The following ANG variants were observed in gnomAD, a reference collection of about 807,000 sequenced individuals.
ANG encodes the protein angiogenin.
For synonymous variants in ANG, 74 were observed against 73.8 expected, an observed-to-expected ratio of 1.00 and a Z score of -0.02; for missense variants, 178 against 187.4, an observed-to-expected ratio of 0.95 and a Z score of 0.29.
Position 20,694,154 on chromosome 14 carries a change from T to A in ANG, c.*146T>A. On this transcript the variant is annotated 3_prime_UTR_variant, in exon 2 of 2. Coordinates refer to ENST00000397990, the MANE Select transcript of ANG (RefSeq NM_001097577.3). ...TTTGTTTTCTGTTTGACAACATGTTTAATAAATAAAAATGTCTTGATATCA... is the reference window on the plus strand; with the variant it reads ...TTTGTTTTCTGTTTGACAACATGTTAAATAAATAAAAATGTCTTGATATCA... 1.2e-6 allele frequency: 1 copy of A among 847,886 alleles called. No homozygotes were observed. The highest frequency in any genetic ancestry group is 1.9e-6 in the Non-Finnish European group (1 of 514,830). The allele number at this position is 847,886 out of a possible 1,614,324, so 52.5% of individuals were successfully genotyped here.
At chr14:20,689,551 G>A (rs1225033728) in intron 1 of ANG, among the ~76,000 whole-genome samples, 1 of 152,214 alleles carries the variant, frequency 6.6e-6, no homozygotes, top group Non-Finnish European at 1.5e-5. Flanking sequence ...AACATTGCCT[G>A]TGGGGAGAGG....
upstream of ANG, among the ~76,000 whole-genome samples, chr14:20,688,313 G>T (rs1010458): frequency 2.6e-5 from 4 of 152,004 alleles, no homozygotes; most frequent in Admixed American, 2.6e-4. Context: ...CTTAGCATCC[G>T]TTCATGAAAC....
rs769960079 is a variant in ANG, at chr14:20,693,982, G to T, written c.418G>T (p.Asp140Tyr). The change falls in exon 2 of 2, where the codon GAT becomes TAT. Residue 140 changes from aspartate to tyrosine, a missense_variant. Coordinates refer to ENST00000397990, the MANE Select transcript of ANG (RefSeq NM_001097577.3). ...TGAAAATGGCTTACCTGTCCACTTG[G>T]ATCAGTCAATTTTCCGTCGTCCGTA... ...ACENGLPVHL[D>Y]QSIFRRP 1 of 1,614,058 alleles carries T rather than the reference G, an allele frequency of 6.2e-7. No homozygotes were observed. Among genetic ancestry groups the T allele is most frequent in the Non-Finnish European group, 8.5e-7 (1 of 1,180,026 alleles).
At chr14:20,689,686 GTAGC>G (rs1886608178) in intron 1 of ANG, among the ~76,000 whole-genome samples, 2 of 152,182 alleles carry the variant, frequency 1.3e-5, no homozygotes, top group African/African-American at 2.4e-5. Flanking sequence ...GGAAGCCGAG[GTAGC>G]CGGATCAACT....
chr14:20,693,932 G>A lies in ANG; in HGVS notation c.368G>A (p.Gly123Glu), dbSNP rs535311762. ...CCATGCCAGTACCGAGCCACAGCGG[G>A]GTTCAGAAACGTTGTTGTTGCTTGT... ...WPPCQYRATAGFRNVVVACEN... is the reference protein window; with the variant it reads ...WPPCQYRATAEFRNVVVACEN... The change falls in exon 2 of 2, where the codon GGG becomes GAG. Residue 123 changes from glycine (G) to glutamate (E), a missense_variant. Gly to Glu is a moderately conservative substitution (Grantham distance 98, BLOSUM62 -2). Transcript: ENST00000397990. The A allele has an allele frequency of 4.3e-6, 7 of 1,613,944 alleles. No homozygotes were observed. The highest frequency in any genetic ancestry group is 1.3e-5 in the African/African-American group (1 of 74,882).
At chr14:20,689,899 G>C (rs1429790182) in intron 1 of ANG, among the ~76,000 whole-genome samples, 2 of 133,500 alleles carry the variant, frequency 1.5e-5, no homozygotes, top group Admixed American at 1.6e-4. Flanking sequence ...CTGGGCGATA[G>C]AACAAGACTC....
upstream of ANG, among the ~76,000 whole-genome samples, chr14:20,686,039 TAAA>T (rs11378368): frequency 0.4 from 54,606 of 137,716 alleles, 10,381 homozygotes; most frequent in Middle Eastern, 0.5. Context: ...GACTCCGTCT[TAAA>T]AAAAAAAAAA....
upstream of ANG, among the ~76,000 whole-genome samples, chr14:20,686,273 T>A (rs1160135736): frequency 1.3e-5 from 2 of 152,146 alleles, no homozygotes; most frequent in Non-Finnish European, 2.9e-5. Context: ...AGATGAACTA[T>A]CGTTTGGCAG....
chr14:20,689,198 C>T (rs1248892426), intron 1 of ANG, among the ~76,000 whole-genome samples: 3 of 152,214 alleles, frequency 2.0e-5, no homozygotes, highest in East Asian at 3.9e-4. Flanking sequence ...AGGCATTACA[C>T]GTGGCTTAAC....
upstream of ANG, among the ~76,000 whole-genome samples, chr14:20,686,039 T>TAA (rs11378368): frequency 7.2e-3 from 989 of 137,932 alleles, 9 homozygotes; most frequent in Middle Eastern, 0.027. Flanking sequence ...GACTCCGTCT[T>TAA]AAAAAAAAAA....
At chr14:20,687,922 T>C (rs1465234382), upstream of ANG, among the ~76,000 whole-genome samples, 2 of 152,198 alleles carry the variant, frequency 1.3e-5, no homozygotes, top group East Asian at 3.9e-4. Context: ...AACACCACTG[T>C]GGGCAAATGC....
chr14:20,689,388 C>A (rs1232465493), intron 1 of ANG, among the ~76,000 whole-genome samples: 1 of 152,134 alleles, frequency 6.6e-6, no homozygotes, highest in Non-Finnish European at 1.5e-5. Flanking sequence ...GATGAATATG[C>A]CTTGGGTGTT....
At chr14:20,691,476 G>A (rs1252598849) in intron 1 of ANG, among the ~76,000 whole-genome samples, 1 of 152,224 alleles carries the variant, frequency 6.6e-6, no homozygotes, top group African/African-American at 2.4e-5. Flanking sequence ...TGGCAAGTGG[G>A]TGGCTTGGCA....
At chr14:20,689,746 G>A (rs1359363361) in intron 1 of ANG, among the ~76,000 whole-genome samples, 1 of 152,014 alleles carries the variant, frequency 6.6e-6, no homozygotes, top group Non-Finnish European at 1.5e-5. Flanking sequence ...GCGAAACCCC[G>A]TCTCTACCAA....
upstream of ANG, among the ~76,000 whole-genome samples, chr14:20,687,651 T>A (rs990832060): frequency 6.6e-6 from 1 of 152,244 alleles, no homozygotes; most frequent in Non-Finnish European, 1.5e-5. Context: ...AGTTTCCTCA[T>A]GAGCAGAGCA....
At chr14:20,687,408 C>T (rs1418722086), upstream of ANG, among the ~76,000 whole-genome samples, 4 of 152,208 alleles carry the variant, frequency 2.6e-5, no homozygotes, top group African/African-American at 9.7e-5. Flanking sequence ...TACTGCAGAA[C>T]TCTAAAATCA....
chr14:20,693,569 T>G lies in ANG; in HGVS notation c.5T>G (p.Val2Gly). ...CAGGAGCCTGTGTTGGAAGAGATGGTGATGGGCCTGGGCGTTTTGTTGTTG... is the reference window on the plus strand; with the variant it reads ...CAGGAGCCTGTGTTGGAAGAGATGGGGATGGGCCTGGGCGTTTTGTTGTTG... M[V>G]MGLGVLLLVF... Residue 2 changes from valine (V) to glycine (G), a missense_variant, in exon 2 of 2, where the codon GTG (valine) becomes GGG (glycine). Coordinates refer to ENST00000397990, the MANE Select transcript of ANG (RefSeq NM_001097577.3). 1 of 1,612,408 alleles carries G rather than the reference T, an allele frequency of 6.2e-7. No individual in the cohort carries two copies. Among genetic ancestry groups the G allele is most frequent in the South Asian group, 1.1e-5 (1 of 91,028 alleles).
chr14:20,693,963 T>C lies in ANG; in HGVS notation c.399T>C (p.Asn133=), dbSNP rs1374228628. The C allele has an allele frequency of 6.2e-7, 1 of 1,613,984 alleles. No individual in the cohort carries two copies. The highest frequency in any genetic ancestry group is 8.5e-7 in the Non-Finnish European group (1 of 1,180,002). ...GAAACGTTGTTGTTGCTTGTGAAAA[T>C]GGCTTACCTGTCCACTTGGATCAGT... ...GFRNVVVACE[N]GLPVHLDQSI... is the part of the protein sequence containing the mutation. The change falls in exon 2 of 2, where the codon AAT becomes AAC. Residue 133 remains asparagine (N), a synonymous_variant. Coordinates refer to ENST00000397990, the MANE Select transcript of ANG (RefSeq NM_001097577.3).
chr14:20,691,112 G>A (rs1229962135), intron 1 of ANG, among the ~76,000 whole-genome samples: 1 of 152,196 alleles, frequency 6.6e-6, no homozygotes, highest in Non-Finnish European at 1.5e-5. Flanking sequence ...ACTCCCTTCT[G>A]TGAACAGCAA....
Sources: allele counts gnomAD v4.1 joint callset (sites outside exome capture counted in the v4.1 genomes callset), GRCh38; gene constraint gnomAD v4.1.1; transcripts MANE v1.5; gene names NCBI Gene and HGNC (gene_info 2026-07-23, HGNC 2026-07-21).